Variants in TYW1B observed in about 807,000 individuals in gnomAD.
TYW1B encodes the protein S-adenosyl-L-methionine-dependent tRNA 4-demethylwyosine synthase TYW1B.
TYW1B carries 73 observed loss-of-function variants against 86.9 expected under a neutral mutation model. The ratio of observed to expected loss-of-function variants is 0.84; its 90% confidence interval spans 0.70 to 1.02. The LOEUF (loss-of-function observed/expected upper bound fraction) is 1.02. Ranked by LOEUF, TYW1B falls within the 50% of genes least tolerant of loss-of-function variation. The pLI is 0.00. For synonymous variants in TYW1B, 248 were observed against 292.8 expected (o/e 0.85, Z 1.56); for missense variants, 637 against 827.4 (o/e 0.77, Z 2.82).
chr7:72,765,533 A>C (rs1207725413), intron 7 of TYW1B, among the ~76,000 whole-genome samples: 1 of 152,100 alleles, frequency 6.6e-6, no homozygotes, highest in African/African-American at 2.4e-5. Flanking sequence ...TGGTGCGATC[A>C]TGATTCACTG....
Position 72,810,555 on chromosome 7 carries a change from A to G in TYW1B, c.348T>C (p.Phe116=), listed in dbSNP as rs1187796252. 7 of 1,613,844 alleles carry G rather than the reference A, an allele frequency of 4.3e-6. No homozygotes were observed. Among genetic ancestry groups the G allele is most frequent in the Non-Finnish European group, 5.9e-6 (7 of 1,179,872 alleles). The change falls in exon 4 of 14, where the codon TTT becomes TTC. Residue 116 remains phenylalanine (F), a synonymous_variant. Coordinates refer to ENST00000620995, the MANE Select transcript of TYW1B (RefSeq NM_001145440.3). The part of the protein sequence containing the change: ...CKWLEEASID[F]RFGKTYLKGM... The stretch of plus-strand genomic sequence containing the variant: ...CCTTCAGGTAAGTTTTGCCAAATCG[A>G]AAATCAATGGATGCTTCCTCTAACC...
intron 10 of TYW1B, among the ~76,000 whole-genome samples, chr7:72,696,576 TG>T (rs1247449747): frequency 2.6e-5 from 4 of 152,192 alleles, no homozygotes; most frequent in African/African-American, 9.6e-5. Context: ...TGTAAGATCT[TG>T]AAGAGCAAGA....
intron 11 of TYW1B, among the ~76,000 whole-genome samples, chr7:72,677,954 A>C (rs1423685860): frequency 3.3e-5 from 5 of 151,856 alleles, no homozygotes; most frequent in African/African-American, 1.2e-4. Context: ...CACCCACCTC[A>C]GTCTCCAAAA....
At chr7:72,605,088 T>C (rs1811762422) in intron 13 of TYW1B, among the ~76,000 whole-genome samples, 1 of 152,142 alleles carries the variant, frequency 6.6e-6, no homozygotes, top group Non-Finnish European at 1.5e-5. Flanking sequence ...AAATAAATCA[T>C]CCATTTTCAA....
chr7:72,575,547 T>C lies in TYW1B; in HGVS notation c.1958A>G (p.Asp653Gly), dbSNP rs534463378. 1.9e-5 allele frequency: 30 copies of C among 1,614,000 alleles called. No homozygotes were observed. In the East Asian group the frequency reaches 6.7e-4, roughly 36 times the overall value. Residue 653 changes from aspartate to glycine, a missense_variant, in exon 14 of 14, where the codon GAC (aspartate) becomes GGC (glycine). Coordinates refer to ENST00000620995, the MANE Select transcript of TYW1B (RefSeq NM_001145440.3). ...TTTGTTCTTTCTCTGATGTCTTGTG[T>C]CCTTGGGATCAAAGCTTCTTTCATT... ...GANERSFDPK[D>G]TRHQRKNKSK... is the part of the protein sequence containing the mutation.
At chr7:72,584,740 G>A (rs1347859159) in intron 13 of TYW1B, among the ~76,000 whole-genome samples, 1 of 152,156 alleles carries the variant, frequency 6.6e-6, no homozygotes, top group Non-Finnish European at 1.5e-5. Context: ...ACAGGCATGA[G>A]CCACCGCACC....
In TYW1B at chr7:72,824,423, G is replaced by C. The variant is rs1320237728; in HGVS notation, c.135+2432C>G. Among the ~76,000 whole-genome samples, 48 of 151,998 alleles carry C rather than the reference G, an allele frequency of 3.2e-4. 1 individual carries two copies. Among genetic ancestry groups the C allele is most frequent in the Admixed American group, 2.0e-4 (3 of 15,228 alleles). On this transcript the variant is annotated intron_variant, in intron 2 of 13. Transcript: ENST00000620995. ...AAGACCAGCCTGGACAAGATTGCAA[G>C]ATCTTGTCTCTACAAAAAAATTAAA...
intron 11 of TYW1B, among the ~76,000 whole-genome samples, chr7:72,660,868 G>A (rs1554444339): frequency 6.6e-6 from 1 of 152,020 alleles, no homozygotes; most frequent in East Asian, 1.9e-4. Context: ...CAGGCACAGT[G>A]GCTCATGCCT....
intron 7 of TYW1B, among the ~76,000 whole-genome samples, chr7:72,764,352 G>A (rs1469416980): frequency 6.6e-6 from 1 of 152,020 alleles, no homozygotes; most frequent in Non-Finnish European, 1.5e-5. Flanking sequence ...GGGCGATCTC[G>A]GCTCACTGCA....
chr7:72,614,058 G>A (rs1812006317), intron 13 of TYW1B, among the ~76,000 whole-genome samples: 1 of 151,934 alleles, frequency 6.6e-6, no homozygotes, highest in Admixed American at 6.6e-5. Context: ...GAGAGAACGG[G>A]AGCAAAAGAG....
At chr7:72,736,196 G>A (rs1335233909) in intron 8 of TYW1B, among the ~76,000 whole-genome samples, 6 of 152,078 alleles carry the variant, frequency 3.9e-5, no homozygotes, top group Non-Finnish European at 7.4e-5. Context: ...TGTCCCAATT[G>A]GCTAGCAACT....
chr7:72,577,735 C>A (rs1169016629), intron 13 of TYW1B, among the ~76,000 whole-genome samples: 1 of 152,144 alleles, frequency 6.6e-6, no homozygotes, highest in African/African-American at 2.4e-5. Context: ...GAGACTGTGC[C>A]GACAGCAGAA....
chr7:72,707,285 A>G (rs1814636729), intron 10 of TYW1B, among the ~76,000 whole-genome samples: 1 of 152,250 alleles, frequency 6.6e-6, no homozygotes, highest in African/African-American at 2.4e-5. Context: ...ACCCTGTGAT[A>G]AAGTGCAGCA....
intron 9 of TYW1B, among the ~76,000 whole-genome samples, chr7:72,724,535 G>A (rs1161482702): frequency 6.6e-6 from 1 of 152,200 alleles, no homozygotes; most frequent in East Asian, 1.9e-4. Flanking sequence ...TTATGCCTAC[G>A]TGCTGACCCG....
rs147778456 is a variant in TYW1B at position 72,665,176 on chromosome 7, G to A, written c.1506+29511C>T. On this transcript the variant is annotated intron_variant, in intron 11 of 13. Transcript: ENST00000620995. ...TCTGTCTAACAAGATGTAAATGGAA[G>A]AGTTATGCAAATAATTTTAAAAGAA... Among the ~76,000 whole-genome samples the A allele has an allele frequency of 8.6e-3, 1,307 of 152,314 alleles. 14 individuals are homozygous for A. Among genetic ancestry groups the A allele is most frequent in the Non-Finnish European group, 0.013 (903 of 68,030 alleles).
intron 7 of TYW1B, among the ~76,000 whole-genome samples, chr7:72,766,363 C>G (rs1166359964): frequency 2.6e-5 from 4 of 152,134 alleles, no homozygotes; most frequent in Non-Finnish European, 5.9e-5. Context: ...CGCCTATAAT[C>G]CCACCTTTGG....
At chr7:72,632,214 G>GT (rs1290124168) in intron 11 of TYW1B, among the ~76,000 whole-genome samples, 1 of 143,942 alleles carries the variant, frequency 6.9e-6, no homozygotes, top group Non-Finnish European at 1.5e-5. Context: ...AGCCATGATC[G>GT]TACCAACGCA....
At chr7:72,779,186 A>G (rs149833566) in intron 6 of TYW1B, among the ~76,000 whole-genome samples, 25 of 152,352 alleles carry the variant, frequency 1.6e-4, no homozygotes, top group African/African-American at 5.5e-4. Flanking sequence ...CCCCAGGTGA[A>G]TAAGTGAATG....
At chr7:72,730,754 C>T (rs1787089158) in intron 8 of TYW1B, among the ~76,000 whole-genome samples, 1 of 151,432 alleles carries the variant, frequency 6.6e-6, no homozygotes, top group Non-Finnish European at 1.5e-5. Context: ...AATGATGGGA[C>T]ACCATTACAT....
Sources: gnomAD v4.1 joint callset for allele counts (sites outside exome capture counted in the v4.1 genomes callset) on GRCh38, gnomAD v4.1.1 for gene constraint, MANE v1.5 for transcripts, NCBI Gene and HGNC (gene_info 2026-07-23, HGNC 2026-07-21) for gene names.